PRKD2: variants seen among roughly 807,000 people sequenced by gnomAD.
PRKD2 encodes the protein serine/threonine-protein kinase D2.
A neutral mutation model predicts 86.0 loss-of-function variants in PRKD2; 22 were observed. That is an observed-to-expected ratio of 0.26 (90% CI 0.18 to 0.37). The LOEUF (loss-of-function observed/expected upper bound fraction) is 0.37. PRKD2 is among the 10% of genes least tolerant of loss of function. PRKD2 has a pLI of 1.00. For synonymous variants in PRKD2, 509 were observed against 510.9 expected (o/e 1.00, Z 0.05); for missense variants, 818 against 1,199.2 (o/e 0.68, Z 4.70).
chr19:46,710,789 G>GC (rs1240819978), intron 3 of PRKD2, 118 bp downstream of exon 3: 2 of 1,117,280 alleles, frequency 1.8e-6, no homozygotes, highest in African/African-American at 3.2e-5. Flanking sequence ...CCTAGGCTGC[G>GC]CCCCCAGCTC....
intron 3 of PRKD2, among the ~76,000 whole-genome samples, chr19:46,705,605 G>A (rs553596464): frequency 3.3e-5 from 5 of 152,078 alleles, no homozygotes; most frequent in African/African-American, 1.2e-4. Context: ...TGGCCAACAT[G>A]GCAAAACCCC....
intron 3 of PRKD2, among the ~76,000 whole-genome samples, chr19:46,704,887 C>G (rs1023533011): frequency 3.3e-5 from 5 of 151,984 alleles, no homozygotes; most frequent in African/African-American, 1.2e-4. Flanking sequence ...CCATCTGTCC[C>G]CCAGACCCTG....
chr19:46,681,015 G>A (rs1211301603), intron 15 of PRKD2, among the ~76,000 whole-genome samples: 1 of 140,282 alleles, frequency 7.1e-6, no homozygotes, highest in Non-Finnish European at 1.5e-5. Context: ...GTGCAGTGGC[G>A]TGATCTCGGC....
chr19:46,700,791 G>C lies in PRKD2; in HGVS notation c.1121+8C>G, dbSNP rs562402798. 22 of 1,612,892 alleles carry C rather than the reference G, an allele frequency of 1.4e-5. No homozygotes were observed. The highest frequency in any genetic ancestry group is 1.8e-5 in the Non-Finnish European group (21 of 1,179,068). Reference sequence around the variant, plus strand: ...CCCCCAGGGTCTCTTGGAGGGTTCTGTGTATACCTCTGGGCCTTGCCTCCC... The same window carrying C: ...CCCCCAGGGTCTCTTGGAGGGTTCTCTGTATACCTCTGGGCCTTGCCTCCC... On this transcript the variant is annotated splice_region_variant and intron_variant, in intron 7 of 17. Transcript: ENST00000291281.
intron 3 of PRKD2, among the ~76,000 whole-genome samples, chr19:46,710,192 C>T (rs1004265661): frequency 6.6e-6 from 1 of 151,666 alleles, no homozygotes; most frequent in Non-Finnish European, 1.5e-5. Context: ...CCACCGTGTC[C>T]GGCCTTTTTC....
chr19:46,714,477 T>TTGGG lies in PRKD2; in HGVS notation c.241-477_241-476insCCCA, dbSNP rs1555832999. The TTGGG allele has an allele frequency of 3.7e-3, 152 of 40,946 alleles. 12 individuals carry two copies. The highest frequency in any genetic ancestry group is 9.5e-3 in the African/African-American group (139 of 14,660). The allele number at this position is 40,946 out of a possible 1,614,324, so 2.5% of individuals were successfully genotyped here. A position where few individuals can be genotyped will look rare whatever the true frequency, so the allele number is the denominator to read the frequency against. On this transcript the variant is annotated intron_variant, in intron 1 of 17. Transcript: ENST00000291281. ...GGACTTTTCGGGGCTCCTGGGAAAGTGGGGGGGGGGGCCGGGGGACTTGGA... is the reference window on the plus strand; with the variant it reads ...GGACTTTTCGGGGCTCCTGGGAAAGTTGGGGGGGGGGGGGGCCGGGGGACTTGGA...
At chr19:46,694,468 G>A (rs1351763645) in intron 9 of PRKD2, among the ~76,000 whole-genome samples, 1 of 152,138 alleles carries the variant, frequency 6.6e-6, no homozygotes, top group South Asian at 2.1e-4. Context: ...GGTGGTGTGC[G>A]CCTGTAATCC....
chr19:46,716,249 G>A lies in PRKD2; in HGVS notation c.122C>T (p.Pro41Leu). ...GATGTGAAAGGAGACCCCGGAACCC[G>A]GGGCCGGGATCTGGGGCAGTAGCGG... Reference protein sequence around the residue: ...PPPLLPQIPAPGSGVSFHIQI... With the variant: ...PPPLLPQIPALGSGVSFHIQI... Residue 41 changes from proline to leucine, a missense_variant, in exon 1 of 18, where the codon CCG (proline) becomes CTG (leucine). Around this residue, in one of 5 missense-constraint regions of PRKD2, gnomAD observed 403 missense variants for 518.6 expected, o/e 0.78. Coordinates refer to ENST00000291281, the MANE Select transcript of PRKD2 (RefSeq NM_016457.5). The surrounding 1 kb of genome is among the most constrained non-coding windows in gnomAD (Gnocchi z 7.9). The A allele has an allele frequency of 6.2e-7, 1 of 1,603,116 alleles. No individual in the cohort carries two copies. The highest frequency in any genetic ancestry group is 8.5e-7 in the Non-Finnish European group (1 of 1,175,500).
intron 1 of PRKD2, among the ~76,000 whole-genome samples, chr19:46,715,737 C>A (rs1259942105): frequency 6.6e-6 from 1 of 152,258 alleles, no homozygotes; most frequent in East Asian, 1.9e-4. Flanking sequence ...CACCGGATCA[C>A]CATGGCCAGC....
chr19:46,695,834 A>G (rs926656802), intron 9 of PRKD2, among the ~76,000 whole-genome samples: 4 of 150,992 alleles, frequency 2.6e-5, no homozygotes, highest in African/African-American at 9.9e-5. Context: ...ACAGCATTAT[A>G]TTTTATTTTA....
intron 7 of PRKD2, 143 bp downstream of exon 7, chr19:46,700,656 G>A (rs2053622285): frequency 9.1e-7 from 1 of 1,100,010 alleles, no homozygotes; most frequent in Admixed American, 2.9e-5. Context: ...AAAAAAAATT[G>A]TAGTGCTTTA....
At chr19:46,687,865 G>GT (rs1291516580) in intron 14 of PRKD2, among the ~76,000 whole-genome samples, 2 of 152,036 alleles carry the variant, frequency 1.3e-5, no homozygotes. Context: ...CTGCTTGCCC[G>GT]TTTTTTCTAT....
At chr19:46,711,551 C>T (rs890207525) in intron 2 of PRKD2, among the ~76,000 whole-genome samples, 5 of 152,000 alleles carry the variant, frequency 3.3e-5, no homozygotes. Flanking sequence ...CGCCACCACA[C>T]CCGACTAATT....
chr19:46,683,871 A>G (rs568755990), intron 14 of PRKD2, among the ~76,000 whole-genome samples: 20 of 152,062 alleles, frequency 1.3e-4, no homozygotes, highest in Admixed American at 1.2e-3. Flanking sequence ...GTTGGTAAAT[A>G]TATTTGTTTG....
At chr19:46,676,659 C>A (rs1208705937) in intron 16 of PRKD2, among the ~76,000 whole-genome samples, 1 of 152,174 alleles carries the variant, frequency 6.6e-6, no homozygotes, top group Admixed American at 6.5e-5. Flanking sequence ...ACCCTGCTCC[C>A]GTCAACACCC....
Position 46,704,511 on chromosome 19 carries a change from C to T in PRKD2, c.650G>A (p.Cys217Tyr), listed in dbSNP as rs1342394755. The change falls in exon 4 of 18, where the codon TGC becomes TAC. Residue 217 changes from cysteine to tyrosine, a missense_variant. Transcript: ENST00000291281. ...VRLGTSESLP[C>Y]TAEELSRSTT... The stretch of plus-strand genomic sequence containing the variant: ...TCTCCTCACCAGCTCTTCAGCCGTG[C>T]AGGGCAGGGACTCGGAGGTGCCGAG... The T allele has an allele frequency of 6.2e-7, 1 of 1,614,192 alleles. No individual in the cohort carries two copies. Among genetic ancestry groups the T allele is most frequent in the East Asian group, 2.2e-5 (1 of 44,872 alleles).
intron 12 of PRKD2, among the ~76,000 whole-genome samples, chr19:46,691,171 C>T (rs2053478489): frequency 1.3e-5 from 2 of 151,814 alleles, no homozygotes; most frequent in Non-Finnish European, 2.9e-5. Flanking sequence ...TTACCACCCG[C>T]CCCATACAAT....
chr19:46,681,537 A>AGAGC, intron 15 of PRKD2, 113 bp downstream of exon 15: 1 of 738,674 alleles, frequency 1.4e-6, no homozygotes, highest in Non-Finnish European at 2.2e-6. Context: ...ATTACAGGCA[A>AGAGC]GAGCCACTGT....
intron 3 of PRKD2, among the ~76,000 whole-genome samples, chr19:46,705,890 C>T (rs1000926022): frequency 2.0e-5 from 3 of 152,128 alleles, no homozygotes; most frequent in Admixed American, 1.3e-4. Flanking sequence ...GACAGGATCT[C>T]CCTGTACCCC....
Sources: allele counts gnomAD v4.1 joint callset (sites outside exome capture counted in the v4.1 genomes callset), GRCh38; gene constraint gnomAD v4.1.1; regional missense constraint gnomAD v4.1.1; non-coding constraint Gnocchi (gnomAD v3.1); transcripts MANE v1.5; gene names NCBI Gene and HGNC (gene_info 2026-07-23, HGNC 2026-07-21).